PRRC2B: variants seen among roughly 807,000 people sequenced by gnomAD.
PRRC2B encodes the protein protein PRRC2B.
Under a neutral mutation model 242.3 loss-of-function variants are expected in PRRC2B, and 68 were observed. The ratio of observed to expected loss-of-function variants is 0.28; its 90% confidence interval spans 0.23 to 0.34. The LOEUF is 0.34. Among genes scored for constraint, PRRC2B ranks in the 10% least tolerant of loss-of-function variants. PRRC2B has a pLI of 1.00. For missense variants in PRRC2B, 2,835 were observed against 2,954.8 expected, an observed-to-expected ratio of 0.96 and a Z score of 0.94; for synonymous variants, 1,228 against 1,173.6, an observed-to-expected ratio of 1.05 and a Z score of -0.95.
At chr9:131,405,712 TGGCTCCTGG>T (rs1183263268) in intron 1 of PRRC2B, among the ~76,000 whole-genome samples, 1 of 152,156 alleles carries the variant, frequency 6.6e-6, no homozygotes, top group Non-Finnish European at 1.5e-5. Context: ...TACACTGCTC[TGGCTCCTGG>T]GGGGGTTATT....
At position 131,471,133 on chromosome 9, in the gene PRRC2B, G is replaced by A. The variant is rs1588271342; in HGVS notation, c.2107+150G>A. On this transcript the variant is annotated intron_variant, in intron 14 of 31. Transcript: ENST00000683519. Reference sequence around the variant, plus strand: ...GGTCTGAGTTTCAAAGTAGTCACTTGCAAAGTGTAGGTACAATAATAGTTC... The same window carrying A: ...GGTCTGAGTTTCAAAGTAGTCACTTACAAAGTGTAGGTACAATAATAGTTC... The A allele has an allele frequency of 8.9e-6, 5 of 561,456 alleles. No individual in the cohort carries two copies. The East Asian group carries it at 1.7e-4, about 19-fold the overall frequency. 34.8% of individuals were successfully genotyped at this position (561,456 alleles called of 1,614,324 possible).
At chr9:131,462,963 CTCTGAG>C (rs140779165) in intron 11 of PRRC2B, among the ~76,000 whole-genome samples, 17,270 of 151,668 alleles carry the variant, frequency 0.11, 1,035 homozygotes, top group Non-Finnish European at 0.13. Flanking sequence ...TACATGTGCC[CTCTGAG>C]TCTATTATTT....
rs1040222002 is a variant in PRRC2B, at chr9:131,474,866, T to C, written c.2737T>C (p.Ser913Pro). 1.9e-6 allele frequency: 3 copies of C among 1,605,644 alleles called. No individual in the cohort carries two copies. In the African/African-American group the frequency reaches 4.0e-5, roughly 21 times the overall value. Residue 913 changes from serine to proline, a missense_variant, in exon 16 of 32, where the codon TCC becomes CCC. Physicochemically the swap from Ser to Pro is moderately conservative, Grantham distance 74. Transcript: ENST00000683519. ...GAACGGGAGCCCCAACAAACAGCCA[T>C]CCTCGGAGCCTGAATGGACTCCCGA... ...DKNGSPNKQP[S>P]SEPEWTPEPR...
In PRRC2B at chr9:131,394,141, G is replaced by GGATC. The variant is rs1554756836; in HGVS notation, c.-172_-171insTCGA. On this transcript the variant is annotated 5_prime_UTR_variant, in exon 1 of 32. Transcript: ENST00000683519. ...GACGAGCGAGCCCGGGAGGAGGGAG[G>GGATC]GAGCGAGCGAGCGAGCAGCCCGCGC... 1 of 149,206 alleles carries GGATC rather than the reference G, an allele frequency of 6.7e-6. No individual in the cohort carries two copies. Among genetic ancestry groups the GGATC allele is most frequent in the Non-Finnish European group, 1.5e-5 (1 of 66,544 alleles). 9.2% of individuals were successfully genotyped at this position (149,206 alleles called of 1,614,324 possible). A position where few individuals can be genotyped will look rare whatever the true frequency, so the allele number is the denominator to read the frequency against.
At position 131,494,564 on chromosome 9, in the gene PRRC2B, C is replaced by T. The variant is rs906144844; in HGVS notation, c.6555+78C>T. Reference sequence around the variant, plus strand: ...AAGCGCCAAAAGAGAAGGGACTGTCCAACCTATCTGAGCGCCCCCTGTCTA... The same window carrying T: ...AAGCGCCAAAAGAGAAGGGACTGTCTAACCTATCTGAGCGCCCCCTGTCTA... On this transcript the variant is annotated intron_variant, in intron 31 of 31. Coordinates refer to ENST00000683519, the MANE Select transcript of PRRC2B (RefSeq NM_013318.4). The surrounding 1 kb of genome is among the most constrained non-coding windows in gnomAD (Gnocchi z 4.3). 5.1e-6 allele frequency: 4 copies of T among 785,646 alleles called. No individual in the cohort carries two copies. Among genetic ancestry groups the T allele is most frequent in the Non-Finnish European group, 8.4e-6 (4 of 477,158 alleles). 48.7% of individuals were successfully genotyped at this position (785,646 alleles called of 1,614,324 possible). A position where few individuals can be genotyped will look rare whatever the true frequency, so the allele number is the denominator to read the frequency against.
At chr9:131,479,699 T>G (rs1943803070) in intron 19 of PRRC2B, among the ~76,000 whole-genome samples, 1 of 152,204 alleles carries the variant, frequency 6.6e-6, no homozygotes, top group Non-Finnish European at 1.5e-5. Flanking sequence ...GGGAATGGCC[T>G]TCTTTGTTGG....
intron 26 of PRRC2B, chr9:131,486,396 TCTG>T (rs1456706028): frequency 2.8e-6 from 2 of 726,072 alleles, no homozygotes. Context: ...TGCTCCAGAC[TCTG>T]CTTAGTTTTC....
In PRRC2B at chr9:131,474,831, C is replaced by T. The variant is rs202171876; in HGVS notation, c.2702C>T (p.Ser901Phe). Residue 901 changes from serine to phenylalanine, a missense_variant, in exon 16 of 32, where the codon TCC (serine) becomes TTC (phenylalanine). Ser to Phe is a radical substitution (Grantham distance 155). This residue lies in a region of PRRC2B where 1,536 missense variants were observed against 1,483.1 expected (regional missense o/e 1.04). Transcript: ENST00000683519. ...PREGTAFNIS[S>F]WDKNGSPNKQ... Reference sequence around the variant, plus strand: ...GAGGGGACGGCCTTTAACATCTCCTCCTGGGACAAGAACGGGAGCCCCAAC... The same window carrying T: ...GAGGGGACGGCCTTTAACATCTCCTTCTGGGACAAGAACGGGAGCCCCAAC... 1,176 of 1,611,580 alleles carry T rather than the reference C, an allele frequency of 7.3e-4. No homozygotes were observed. The highest frequency in any genetic ancestry group is 9.0e-4 in the Non-Finnish European group (1,063 of 1,179,452).
At chr9:131,400,944 T>G (rs1463843547) in intron 1 of PRRC2B, among the ~76,000 whole-genome samples, 1 of 150,980 alleles carries the variant, frequency 6.6e-6, no homozygotes, top group African/African-American at 2.4e-5. Context: ...GGCCTCATCC[T>G]CTTGTGGTTT....
chr9:131,480,637 G>A (rs1943831317), intron 19 of PRRC2B, among the ~76,000 whole-genome samples: 2 of 150,104 alleles, frequency 1.3e-5, no homozygotes, highest in Admixed American at 6.6e-5. Flanking sequence ...TTTTTTTAAA[G>A]ATGGGGTCTC....
At chr9:131,431,965 TG>T (rs1838189395) in intron 2 of PRRC2B, among the ~76,000 whole-genome samples, 1 of 152,146 alleles carries the variant, frequency 6.6e-6, no homozygotes, top group South Asian at 2.1e-4. Flanking sequence ...GGCTAATTTT[TG>T]TATTTTTAGT....
Position 131,487,776 on chromosome 9 carries a change from C to A in PRRC2B, c.5985-80C>A. 1 of 1,537,598 alleles carries A rather than the reference C, an allele frequency of 6.5e-7. No individual in the cohort carries two copies. The highest frequency in any genetic ancestry group is 1.3e-5 in the South Asian group (1 of 79,772). On this transcript the variant is annotated intron_variant, in intron 27 of 31. Coordinates refer to ENST00000683519, the MANE Select transcript of PRRC2B (RefSeq NM_013318.4). The surrounding 1 kb of genome is among the most constrained non-coding windows in gnomAD (Gnocchi z 5.3). ...GGGGATCTGTGGTTTAGCAAGCTCT[C>A]CGGGGATCTCTGAAGGGTGGGACCA...
chr9:131,389,182 C>T (rs1346851272), upstream of PRRC2B, among the ~76,000 whole-genome samples: 4 of 119,768 alleles, frequency 3.3e-5, 1 homozygote, highest in East Asian at 2.5e-4. Context: ...GACAGAGTTT[C>T]GCTCTTGTTG....
upstream of PRRC2B, among the ~76,000 whole-genome samples, chr9:131,393,740 C>G (rs954658852): frequency 1.3e-5 from 2 of 151,280 alleles, no homozygotes; most frequent in Non-Finnish European, 3.0e-5. Context: ...CGGGCCCAGG[C>G]CGGGCCCATG....
At chr9:131,389,537 C>T (rs1836871499), upstream of PRRC2B, among the ~76,000 whole-genome samples, 1 of 150,606 alleles carries the variant, frequency 6.6e-6, no homozygotes, top group Admixed American at 6.9e-5. Flanking sequence ...ATGTTTTCTT[C>T]CTCTGACACC....
At chr9:131,392,347 T>C (rs962472479), upstream of PRRC2B, among the ~76,000 whole-genome samples, 2 of 152,182 alleles carry the variant, frequency 1.3e-5, no homozygotes, top group African/African-American at 4.8e-5. Context: ...TCCACCTGCC[T>C]CGACCTACCA....
chr9:131,391,620 A>G (rs111380302), upstream of PRRC2B, among the ~76,000 whole-genome samples: 1,881 of 152,210 alleles, frequency 0.012, 35 homozygotes, highest in African/African-American at 0.042. Context: ...GGATGGGCAC[A>G]CTAGTGTCTG....
intron 2 of PRRC2B, among the ~76,000 whole-genome samples, chr9:131,430,550 GGT>G (rs759350366): frequency 1.2e-5 from 1 of 82,666 alleles, no homozygotes; most frequent in Non-Finnish European, 2.6e-5. Flanking sequence ...GATATCTATA[GGT>G]GTGTGTGTAT....
intron 1 of PRRC2B, among the ~76,000 whole-genome samples, chr9:131,426,447 C>T (rs2131317385): frequency 1.3e-5 from 2 of 152,158 alleles, no homozygotes; most frequent in Non-Finnish European, 2.9e-5. Context: ...CAGGATCTCG[C>T]TCTGCCCTCA....
Sources: gnomAD v4.1 joint callset for allele counts (sites outside exome capture counted in the v4.1 genomes callset) on GRCh38, gnomAD v4.1.1 for gene constraint, gnomAD v4.1.1 regional missense constraint, Gnocchi (gnomAD v3.1) non-coding constraint, MANE v1.5 for transcripts, NCBI Gene and HGNC (gene_info 2026-07-23, HGNC 2026-07-21) for gene names.